TRPC4: variants seen among roughly 807,000 people sequenced by gnomAD.
The protein encoded by TRPC4 is short transient receptor potential channel 4.
In TRPC4, 49 loss-of-function variants were observed where a neutral mutation model predicts 99.4. That is an observed-to-expected ratio of 0.49 (90% CI 0.39 to 0.63). The LOEUF (loss-of-function observed/expected upper bound fraction) is 0.63, where lower values mean the gene tolerates loss of function less well. TRPC4 is among the 20% of genes least tolerant of loss of function. The pLI is 0.00. For missense variants in TRPC4, 898 were observed against 1,152.9 expected, an observed-to-expected ratio of 0.78 and a Z score of 3.20; for synonymous variants, 454 against 425.9, an observed-to-expected ratio of 1.07 and a Z score of -0.81.
chr13:37,714,052 C>G (rs9532105), intron 3 of TRPC4, among the ~76,000 whole-genome samples: 36,180 of 150,742 alleles, frequency 0.24, 4,705 homozygotes, highest in Admixed American at 0.32. Context: ...TCCTTCCTTC[C>G]CTCCTTCCTT....
chr13:37,740,024 A>T lies in TRPC4; in HGVS notation c.897+5913T>A, dbSNP rs73458344. 9.2e-3 allele frequency among the ~76,000 whole-genome samples: 1,405 copies of T among 152,300 alleles called. 14 individuals carry two copies. The highest frequency in any genetic ancestry group is 0.032 in the African/African-American group (1,337 of 41,570). On this transcript the variant is annotated intron_variant, in intron 3 of 10. Transcript: ENST00000379705. ...TGCCGTCAAATTTGTAGCAAGTGCA[A>T]AGGTCTAGCATGGCTGCTGACCAGA...
intron 3 of TRPC4, among the ~76,000 whole-genome samples, chr13:37,706,009 A>G (rs1471700531): frequency 6.6e-6 from 1 of 152,116 alleles, no homozygotes; most frequent in Non-Finnish European, 1.5e-5. Flanking sequence ...TCCAGAGTTA[A>G]TTGTTCTAAG....
chr13:37,638,105 C>A (rs1028087746), intron 10 of TRPC4, among the ~76,000 whole-genome samples: 2 of 152,082 alleles, frequency 1.3e-5, no homozygotes, highest in East Asian at 3.9e-4. Flanking sequence ...GACCTTCCCC[C>A]TACATCTGGG....
chr13:37,857,196 T>C (rs917492953), intron 1 of TRPC4, among the ~76,000 whole-genome samples: 4 of 151,264 alleles, frequency 2.6e-5, no homozygotes, highest in African/African-American at 7.3e-5. Flanking sequence ...TAAAAATAAA[T>C]ACCTATGAAA....
At chr13:37,808,408 C>T (rs904952969) in intron 1 of TRPC4, among the ~76,000 whole-genome samples, 3 of 152,036 alleles carry the variant, frequency 2.0e-5, no homozygotes, top group Admixed American at 6.6e-5. Context: ...TTAAGTAATT[C>T]TGGAGACCTC....
At chr13:37,816,161 G>T (rs1378364743) in intron 1 of TRPC4, among the ~76,000 whole-genome samples, 1 of 151,556 alleles carries the variant, frequency 6.6e-6, no homozygotes, top group African/African-American at 2.4e-5. Context: ...TTAGAAATAT[G>T]TCGAATTCAT....
chr13:37,645,550 CT>C (rs2138573907), intron 8 of TRPC4, among the ~76,000 whole-genome samples: 1 of 152,264 alleles, frequency 6.6e-6, no homozygotes, highest in East Asian at 1.9e-4. Context: ...GCCTTTTAGT[CT>C]TTGCTTTGCT....
chr13:37,837,955 G>A (rs1047888856), intron 1 of TRPC4, among the ~76,000 whole-genome samples: 3 of 152,136 alleles, frequency 2.0e-5, no homozygotes, highest in African/African-American at 7.2e-5. Flanking sequence ...TAAGTCTCAC[G>A]AGGGCTGATG....
At chr13:37,815,115 T>C (rs1349367382) in intron 1 of TRPC4, among the ~76,000 whole-genome samples, 2 of 151,718 alleles carry the variant, frequency 1.3e-5, no homozygotes. Context: ...GAGATGACTA[T>C]ATATCAACAT....
At chr13:37,761,370 G>A (rs753213559) in intron 2 of TRPC4, among the ~76,000 whole-genome samples, 3 of 151,852 alleles carry the variant, frequency 2.0e-5, no homozygotes, top group Non-Finnish European at 4.4e-5. Flanking sequence ...TGACTCCAGA[G>A]TCTAAATTCT....
At chr13:37,768,116 T>A (rs1048652533) in intron 2 of TRPC4, among the ~76,000 whole-genome samples, 18 of 151,422 alleles carry the variant, frequency 1.2e-4, no homozygotes, top group African/African-American at 4.1e-4. Context: ...TTAAGGTAAA[T>A]GAGGATAATA....
At chr13:37,729,101 A>G (rs1317896320) in intron 3 of TRPC4, among the ~76,000 whole-genome samples, 1 of 152,114 alleles carries the variant, frequency 6.6e-6, no homozygotes, top group Non-Finnish European at 1.5e-5. Context: ...ACTTCACGAT[A>G]TTGGACTTGG....
chr13:37,823,659 G>T (rs1269429826), intron 1 of TRPC4, among the ~76,000 whole-genome samples: 1 of 150,288 alleles, frequency 6.7e-6, no homozygotes, highest in Non-Finnish European at 1.5e-5. Context: ...GTACCATGCT[G>T]TTTTGGTTAC....
intron 2 of TRPC4, among the ~76,000 whole-genome samples, chr13:37,770,331 TG>T (rs1407938513): frequency 6.6e-6 from 1 of 151,462 alleles, no homozygotes; most frequent in Non-Finnish European, 1.5e-5. Flanking sequence ...ATTAGGAGAA[TG>T]GGGTGACATC....
chr13:37,636,762 CAT>C lies in TRPC4; in HGVS notation c.*139_*140del. On this transcript the variant is annotated 3_prime_UTR_variant, in exon 11 of 11. Transcript: ENST00000379705. ...TTTGATTGCCTTTGCCTTATTTAAA[CAT>C]GTTACAGGTAATATGCCACAGCTGA... The C allele has an allele frequency of 2.9e-6, 3 of 1,019,162 alleles. 1 individual carries two copies. Among genetic ancestry groups the C allele is most frequent in the Non-Finnish European group, 4.0e-6 (3 of 754,072 alleles). The allele number at this position is 1,019,162 out of a possible 1,614,324, so 63.1% of individuals were successfully genotyped here. A position where few individuals can be genotyped will look rare whatever the true frequency, so the allele number is the denominator to read the frequency against.
intron 1 of TRPC4, among the ~76,000 whole-genome samples, chr13:37,795,749 A>G (rs1374190483): frequency 6.6e-6 from 1 of 152,042 alleles, no homozygotes; most frequent in East Asian, 1.9e-4. Flanking sequence ...ACCTTTTCAA[A>G]ATTTTTGTTA....
At chr13:37,675,006 T>A (rs1009092347) in intron 4 of TRPC4, among the ~76,000 whole-genome samples, 1 of 151,708 alleles carries the variant, frequency 6.6e-6, no homozygotes. Flanking sequence ...ATTTCCATTA[T>A]CTTATTAAAA....
chr13:37,662,698 G>T (rs1952486728), intron 6 of TRPC4, among the ~76,000 whole-genome samples: 1 of 152,184 alleles, frequency 6.6e-6, no homozygotes. Flanking sequence ...TCAGCTACTG[G>T]TTAACCGTCT....
intron 5 of TRPC4, among the ~76,000 whole-genome samples, chr13:37,673,003 T>C (rs1010017609): frequency 2.6e-5 from 4 of 152,068 alleles, no homozygotes; most frequent in Non-Finnish European, 4.4e-5. Flanking sequence ...CGTGCAGGTT[T>C]GTTACATAGG....
Sources: allele counts gnomAD v4.1 joint callset (sites outside exome capture counted in the v4.1 genomes callset), GRCh38; gene constraint gnomAD v4.1.1; transcripts MANE v1.5; gene names NCBI Gene and HGNC (gene_info 2026-07-23, HGNC 2026-07-21).